TBX18: variants seen among roughly 807,000 people sequenced by gnomAD.
TBX18 encodes T-box transcription factor 18, also known as T-box transcription factor TBX18.
A neutral mutation model predicts 55.0 loss-of-function variants in TBX18; 21 were observed. That is an observed-to-expected ratio of 0.38 (90% CI 0.27 to 0.55). TBX18 has a LOEUF of 0.55. Ranked by LOEUF, TBX18 falls within the 20% of genes least tolerant of loss-of-function variation. TBX18 has a pLI of 0.73. For missense variants in TBX18, 840 were observed against 799.6 expected (o/e 1.05, Z -0.61); for synonymous variants, 342 against 326.1 (o/e 1.05, Z -0.53).
rs1020920145 is a variant in TBX18, at chr6:84,735,875, CT to C, written c.*809del. ...TCCACTCATATCACATATTCCTCCC[CT>C]GGTGAAAATTGGAATTTAAAAATGT... On this transcript the variant is annotated 3_prime_UTR_variant, in exon 8 of 8. Transcript: ENST00000369663. 17 of 152,114 alleles carry C rather than the reference CT, an allele frequency of 1.1e-4. No individual in the cohort carries two copies. Among genetic ancestry groups the C allele is most frequent in the Middle Eastern group, 3.4e-3 (1 of 292 alleles). 9.4% of individuals were successfully genotyped at this position (152,114 alleles called of 1,614,324 possible).
chr6:84,762,406 T>C, intron 2 of TBX18, 138 bp downstream of exon 2: 1 of 1,018,682 alleles, frequency 9.8e-7, no homozygotes, highest in South Asian at 1.3e-5. Context: ...AACCACGGTC[T>C]GGGGCCTGGT....
chr6:84,741,774 CTAATA>C (rs1295416237), intron 6 of TBX18: 1 of 152,148 alleles, frequency 6.6e-6, no homozygotes, highest in Non-Finnish European at 1.5e-5. Context: ...CACTTCTCTA[CTAATA>C]TAATTAAAAA....
At chr6:84,756,056 CTTAT>C (rs1274842853) in intron 4 of TBX18, among the ~76,000 whole-genome samples, 1 of 152,170 alleles carries the variant, frequency 6.6e-6, no homozygotes, top group Non-Finnish European at 1.5e-5. Flanking sequence ...TATCCAGTTA[CTTAT>C]TTATTAAAAT....
chr6:84,744,895 T>C (rs1767142594), intron 5 of TBX18, among the ~76,000 whole-genome samples: 1 of 152,264 alleles, frequency 6.6e-6, no homozygotes, highest in East Asian at 1.9e-4. Context: ...ATCTGAAAGT[T>C]TTATTCTTTT....
intron 6 of TBX18, among the ~76,000 whole-genome samples, chr6:84,739,658 T>G (rs570120028): frequency 6.6e-6 from 1 of 152,214 alleles, no homozygotes; most frequent in South Asian, 2.1e-4. Context: ...ATAATAGACA[T>G]CTCCTTTAAT....
intron 2 of TBX18, among the ~76,000 whole-genome samples, chr6:84,761,744 C>A (rs1308896344): frequency 6.6e-6 from 1 of 152,152 alleles, no homozygotes; most frequent in Non-Finnish European, 1.5e-5. Context: ...TTAATATGAT[C>A]TGCCCAACAA....
At position 84,764,038 on chromosome 6, in the gene TBX18, C is replaced by T; in HGVS notation, c.144G>A (p.Gly48=). Residue 48 remains glycine, a synonymous_variant, in exon 1 of 8, where the codon GGG becomes GGA. Transcript: ENST00000369663. ...RRKLGAEEAA[G]AVDDGGCSRG... is the part of the protein sequence containing the mutation. ...GGCTGCAGCCTCCGTCGTCCACGGC[C>T]CCCGCCGCCTCTTCGGCGCCCAGTT... is the stretch of plus-strand genomic sequence containing the variant. 5 of 1,556,916 alleles carry T rather than the reference C, an allele frequency of 3.2e-6. No individual in the cohort carries two copies. The highest frequency in any genetic ancestry group is 4.3e-6 in the Non-Finnish European group (5 of 1,154,058).
intron 5 of TBX18, 141 bp downstream of exon 5, chr6:84,747,779 G>A: frequency 3.0e-6 from 2 of 677,636 alleles, no homozygotes; most frequent in South Asian, 8.3e-5. Flanking sequence ...ATAAAGAACT[G>A]TTATTCATAT....
chr6:84,734,248 G>C lies in TBX18; in HGVS notation c.*2437C>G, dbSNP rs1229463314. 6.6e-6 allele frequency: 1 copy of C among 152,150 alleles called. No homozygotes were observed. The highest frequency in any genetic ancestry group is 1.9e-4 in the East Asian group (1 of 5,182). 9.4% of individuals were successfully genotyped at this position (152,150 alleles called of 1,614,324 possible). ...ATTTTCATGTGTTCAACATTTGTCA[G>C]GGCCTTCACCTTCAATGACATGGTC... is the stretch of plus-strand genomic sequence containing the variant. On this transcript the variant is annotated 3_prime_UTR_variant, in exon 8 of 8. Transcript: ENST00000369663.
At position 84,750,156 on chromosome 6, in the gene TBX18, A is replaced by G. The variant is rs148825344; in HGVS notation, c.772-2069T>C. ...AAAAATTAGCTGGGCGTGGTGGCAC[A>G]TGCCTGTAGTCCCAGCTACTTGGGA... On this transcript the variant is annotated intron_variant, in intron 4 of 7. Transcript: ENST00000369663. Among the ~76,000 whole-genome samples the G allele has an allele frequency of 4.0e-3, 601 of 152,110 alleles. 3 individuals carry two copies. Among genetic ancestry groups the G allele is most frequent in the African/African-American group, 0.011 (453 of 41,498 alleles).
Position 84,740,037 on chromosome 6 carries a change from T to C in TBX18, c.1005-1446A>G, listed in dbSNP as rs193247580. Among the ~76,000 whole-genome samples the C allele has an allele frequency of 5.2e-4, 79 of 152,316 alleles. 1 individual carries two copies. The highest frequency in any genetic ancestry group is 7.8e-4 in the Non-Finnish European group (53 of 68,030). On this transcript the variant is annotated intron_variant, in intron 6 of 7. Coordinates refer to ENST00000369663, the MANE Select transcript of TBX18 (RefSeq NM_001080508.3). ...GGCTTGCATGCACAAACACACCTCA[T>C]GAGGCTGCACATAAGCCTGACTCAT... is the stretch of plus-strand genomic sequence containing the variant.
rs767895414 is a variant in TBX18, at chr6:84,736,642, A to G, written c.*43T>C. ...ATAGCTTTTAAAAAAGAAAAAGAAA[A>G]TATGTTAGACAGATCCAAATGTCAT... is the stretch of plus-strand genomic sequence containing the variant. On this transcript the variant is annotated 3_prime_UTR_variant, in exon 8 of 8. Coordinates refer to ENST00000369663, the MANE Select transcript of TBX18 (RefSeq NM_001080508.3). 8 of 1,455,694 alleles carry G rather than the reference A, an allele frequency of 5.5e-6. No individual in the cohort carries two copies. In the African/African-American group the frequency reaches 1.2e-4, roughly 21 times the overall value. The allele number at this position is 1,455,694 out of a possible 1,614,324, so 90.2% of individuals were successfully genotyped here. A position where few individuals can be genotyped will look rare whatever the true frequency, so the allele number is the denominator to read the frequency against.
chr6:84,744,367 T>C (rs1767126953), intron 5 of TBX18, 42 bp from the exon 6 acceptor site: 3 of 1,581,578 alleles, frequency 1.9e-6, no homozygotes, highest in East Asian at 2.2e-5. Flanking sequence ...TATATAAATG[T>C]CAAGCAAGTT....
At chr6:84,740,708 G>A (rs1400992584) in intron 6 of TBX18, among the ~76,000 whole-genome samples, 4 of 152,108 alleles carry the variant, frequency 2.6e-5, no homozygotes, top group African/African-American at 9.7e-5. Flanking sequence ...GATTTTAAAT[G>A]CAAAAGAATG....
At position 84,764,475 on chromosome 6, in the gene TBX18, T is replaced by C; in HGVS notation, c.-294A>G. On this transcript the variant is annotated 5_prime_UTR_variant, in exon 1 of 8. Transcript: ENST00000369663. Reference sequence around the variant, plus strand: ...TCCACCTCCTCCTGCTGCTCCGAGGTCTGCCTCAACTGATGCGCCAGAGAG... The same window carrying C: ...TCCACCTCCTCCTGCTGCTCCGAGGCCTGCCTCAACTGATGCGCCAGAGAG... The C allele has an allele frequency of 2.5e-6, 1 of 394,576 alleles. No homozygotes were observed. The highest frequency in any genetic ancestry group is 4.5e-6 in the Non-Finnish European group (1 of 223,518). The allele number at this position is 394,576 out of a possible 1,614,324, so 24.4% of individuals were successfully genotyped here.
At chr6:84,752,476 C>T (rs1027399772) in intron 4 of TBX18, among the ~76,000 whole-genome samples, 4 of 152,180 alleles carry the variant, frequency 2.6e-5, no homozygotes. Context: ...TCACAAACTC[C>T]ATAGCAAGGT....
chr6:84,733,359 G>A lies in TBX18; in HGVS notation c.*3326C>T, dbSNP rs1455928484. ...GAACAATGAGATTAAAACACAACAT[G>A]GTAATAATTTAATACAATTAGTTCT... On this transcript the variant is annotated 3_prime_UTR_variant, in exon 8 of 8. Coordinates refer to ENST00000369663, the MANE Select transcript of TBX18 (RefSeq NM_001080508.3). 1 of 151,992 alleles carries A rather than the reference G, an allele frequency of 6.6e-6. No individual in the cohort carries two copies. Among genetic ancestry groups the A allele is most frequent in the East Asian group, 1.9e-4 (1 of 5,196 alleles). The allele number at this position is 151,992 out of a possible 1,614,324, so 9.4% of individuals were successfully genotyped here.
chr6:84,762,770 A>T, intron 1 of TBX18, 22 bp from the exon 2 acceptor site: 1 of 1,574,616 alleles, frequency 6.4e-7, no homozygotes, highest in Non-Finnish European at 8.6e-7. Context: ...AGGACAGAGA[A>T]AGGGAACTGG....
At chr6:84,757,365 G>A (rs957546665) in intron 3 of TBX18, among the ~76,000 whole-genome samples, 1 of 152,182 alleles carries the variant, frequency 6.6e-6, no homozygotes, top group Admixed American at 6.5e-5. Context: ...AGAGGAAATA[G>A]TCAGAAGTTC....
Sources: allele counts gnomAD v4.1 joint callset (sites outside exome capture counted in the v4.1 genomes callset), GRCh38; gene constraint gnomAD v4.1.1; transcripts MANE v1.5; gene names NCBI Gene and HGNC (gene_info 2026-07-23, HGNC 2026-07-21).